Variants in IQGAP2 observed in about 807,000 individuals in gnomAD.
IQGAP2 encodes IQ motif containing GTPase activating protein 2, also known as ras GTPase-activating-like protein IQGAP2.
In IQGAP2, 173 loss-of-function variants were observed where a neutral mutation model predicts 201.3. The observed-to-expected ratio is 0.86, with a 90% CI of 0.76 to 0.98. IQGAP2 has a LOEUF of 0.98. IQGAP2 is among the 50% of genes least tolerant of loss of function. The pLI is 0.00. For missense variants in IQGAP2, 1,687 were observed against 1,864.8 expected (o/e 0.90, Z 1.76); for synonymous variants, 675 against 673.9 (o/e 1.00, Z -0.03).
chr5:76,589,290 C>T (rs559539770), intron 6 of IQGAP2, among the ~76,000 whole-genome samples: 7 of 134,714 alleles, frequency 5.2e-5, no homozygotes, highest in East Asian at 4.3e-4. Context: ...CCAGCCTGGA[C>T]GACAGAGCGA....
intron 30 of IQGAP2, among the ~76,000 whole-genome samples, chr5:76,686,499 CTTG>C (rs1745766509): frequency 6.6e-6 from 1 of 151,770 alleles, no homozygotes; most frequent in African/African-American, 2.4e-5. Context: ...TTCATTCTTT[CTTG>C]TTGTTATTGT....
intron 32 of IQGAP2, among the ~76,000 whole-genome samples, chr5:76,697,234 C>T (rs955209431): frequency 3.9e-4 from 59 of 152,158 alleles, no homozygotes; most frequent in African/African-American, 1.3e-3. Context: ...TTTTTCAAAC[C>T]TTGGGAAATA....
intron 1 of IQGAP2, among the ~76,000 whole-genome samples, chr5:76,421,796 T>C (rs1751745725): frequency 1.3e-5 from 2 of 152,190 alleles, no homozygotes; most frequent in South Asian, 4.1e-4. Context: ...CCTCTATAAA[T>C]AGTGTAAAAC....
At chr5:76,700,245 A>G (rs1291607010) in intron 33 of IQGAP2, among the ~76,000 whole-genome samples, 1 of 152,176 alleles carries the variant, frequency 6.6e-6, no homozygotes, top group Admixed American at 6.5e-5. Context: ...TCTTGAGCCC[A>G]GTTCAGTGAA....
chr5:76,408,738 G>A (rs1750934237), intron 1 of IQGAP2, among the ~76,000 whole-genome samples: 1 of 151,972 alleles, frequency 6.6e-6, no homozygotes, highest in Admixed American at 6.6e-5. Flanking sequence ...CTCCAGCCTG[G>A]GCAACATAGT....
chr5:76,600,667 A>G (rs1747368085), intron 10 of IQGAP2, 145 bp from the exon 11 acceptor site: 1 of 827,810 alleles, frequency 1.2e-6, no homozygotes. Flanking sequence ...AGCCAGTGGA[A>G]AGCAGGTGGC....
intron 1 of IQGAP2, among the ~76,000 whole-genome samples, chr5:76,450,717 A>G (rs1361196838): frequency 6.6e-6 from 1 of 152,166 alleles, no homozygotes; most frequent in Admixed American, 6.5e-5. Context: ...TGGTCTCCTT[A>G]CAAACCCTAA....
Position 76,600,796 on chromosome 5 carries a change from A to G in IQGAP2, c.1072-16A>G, listed in dbSNP as rs1683799988. 3 of 1,613,552 alleles carry G rather than the reference A, an allele frequency of 1.9e-6. No homozygotes were observed. The highest frequency in any genetic ancestry group is 2.7e-5 in the African/African-American group (2 of 74,924). On this transcript the variant is annotated splice_polypyrimidine_tract_variant and intron_variant, in intron 10 of 35. Coordinates refer to ENST00000274364, the MANE Select transcript of IQGAP2 (RefSeq NM_006633.5). ...TGTTGTGTGGGGAGCTTATGTTGCC[A>G]TATGTTTTCCAACAGAACTACTTGG...
intron 11 of IQGAP2, among the ~76,000 whole-genome samples, chr5:76,602,229 A>G (rs1215006585): frequency 6.6e-6 from 1 of 152,136 alleles, no homozygotes; most frequent in Non-Finnish European, 1.5e-5. Context: ...CTCCCCATTC[A>G]TTAATCATTC....
intron 12 of IQGAP2, among the ~76,000 whole-genome samples, chr5:76,608,658 A>G (rs1218992247): frequency 6.6e-6 from 1 of 152,228 alleles, no homozygotes; most frequent in African/African-American, 2.4e-5. Flanking sequence ...ATGGAAAATG[A>G]GAAATATAGA....
intron 20 of IQGAP2, among the ~76,000 whole-genome samples, chr5:76,657,385 T>G (rs760164797): frequency 6.6e-6 from 1 of 152,172 alleles, no homozygotes; most frequent in Non-Finnish European, 1.5e-5. Context: ...GCTTCAGTGG[T>G]CAGGAAATAA....
At chr5:76,601,440 A>C (rs1163471528) in intron 11 of IQGAP2, among the ~76,000 whole-genome samples, 3 of 152,200 alleles carry the variant, frequency 2.0e-5, no homozygotes, top group Non-Finnish European at 2.9e-5. Context: ...AAATCCTGAG[A>C]CCACAGTGGG....
Position 76,555,874 on chromosome 5 carries a change from T to G in IQGAP2, c.147-6522T>G, listed in dbSNP as rs185946707. Among the ~76,000 whole-genome samples, 93 of 152,266 alleles carry G rather than the reference T, an allele frequency of 6.1e-4. 1 individual carries two copies. Among genetic ancestry groups the G allele is most frequent in the African/African-American group, 2.0e-3 (82 of 41,558 alleles). On this transcript the variant is annotated intron_variant, in intron 2 of 35. Coordinates refer to ENST00000274364, the MANE Select transcript of IQGAP2 (RefSeq NM_006633.5). ...GAGCCACACTTAGGGGTGGTGCACC[T>G]CTCACACTCATTTCCCCACACCTTC... is the stretch of plus-strand genomic sequence containing the variant.
intron 15 of IQGAP2, among the ~76,000 whole-genome samples, chr5:76,636,064 A>G (rs1751103595): frequency 6.6e-6 from 1 of 152,220 alleles, no homozygotes; most frequent in Non-Finnish European, 1.5e-5. Context: ...ATTTAAAGCC[A>G]AATGAAGCAT....
At position 76,575,738 on chromosome 5, in the gene IQGAP2, C is replaced by A; in HGVS notation, c.427C>A (p.Pro143Thr). ...TTDVYDRKNI[P>T]RMIYCIHALS... ...AGATGTCTATGATCGGAAAAACATA[C>A]CAAGAATGATATATTGCATTCACGC... The change falls in exon 5 of 36, where the codon CCA (proline) becomes ACA (threonine). Residue 143 changes from proline (P) to threonine (T), a missense_variant. Coordinates refer to ENST00000274364, the MANE Select transcript of IQGAP2 (RefSeq NM_006633.5). 1.3e-6 allele frequency: 2 copies of A among 1,591,550 alleles called. No individual in the cohort carries two copies. Among genetic ancestry groups the A allele is most frequent in the Non-Finnish European group, 1.7e-6 (2 of 1,166,710 alleles).
intron 30 of IQGAP2, among the ~76,000 whole-genome samples, chr5:76,684,832 A>G (rs980902840): frequency 7.2e-5 from 11 of 152,016 alleles, no homozygotes; most frequent in Admixed American, 5.9e-4. Context: ...GACAGCATTC[A>G]TCTCCACTTG....
intron 13 of IQGAP2, among the ~76,000 whole-genome samples, chr5:76,612,734 A>G (rs1274674253): frequency 2.6e-5 from 4 of 152,058 alleles, no homozygotes; most frequent in Non-Finnish European, 5.9e-5. Flanking sequence ...GAATATAGAT[A>G]GGCTTGTGTA....
rs555435956 is a variant in IQGAP2, at chr5:76,530,151, T to C, written c.147-32245T>C. On this transcript the variant is annotated intron_variant, in intron 2 of 35. Coordinates refer to ENST00000274364, the MANE Select transcript of IQGAP2 (RefSeq NM_006633.5). Reference sequence around the variant, plus strand: ...AGCAGCCATAGGCCATAAACAAATGTGTGCAGCAGAGTTTGAATAAAACTT... The same window carrying C: ...AGCAGCCATAGGCCATAAACAAATGCGTGCAGCAGAGTTTGAATAAAACTT... 7.2e-5 allele frequency among the ~76,000 whole-genome samples: 11 copies of C among 152,316 alleles called. No individual in the cohort carries two copies. The South Asian group carries it at 2.3e-3, about 32-fold the overall frequency.
chr5:76,426,939 T>TGTGTGTGTGTGTGA (rs1181928319), intron 1 of IQGAP2, among the ~76,000 whole-genome samples: 1 of 150,896 alleles, frequency 6.6e-6, no homozygotes, highest in African/African-American at 2.5e-5. Context: ...TGTGTGTGAG[T>TGTGTGTGTGTGTGA]GTGTGCAGGA....
Sources: allele counts gnomAD v4.1 joint callset (sites outside exome capture counted in the v4.1 genomes callset), GRCh38; gene constraint gnomAD v4.1.1; transcripts MANE v1.5; gene names NCBI Gene and HGNC (gene_info 2026-07-23, HGNC 2026-07-21).